SLC16A10: variants seen among roughly 807,000 people sequenced by gnomAD.
The protein encoded by SLC16A10 is monocarboxylate transporter 10.
A neutral mutation model predicts 40.0 loss-of-function variants in SLC16A10; 27 were observed. That is an observed-to-expected ratio of 0.67 (90% CI 0.50 to 0.93). SLC16A10 has a LOEUF of 0.93. Among genes scored for constraint, SLC16A10 ranks in the 40% least tolerant of loss-of-function variants. The pLI, the probability that SLC16A10 is intolerant of heterozygous loss-of-function variation, is 0.00. For missense variants in SLC16A10, 529 were observed against 658.2 expected (o/e 0.80, Z 2.15); for synonymous variants, 213 against 249.8 (o/e 0.85, Z 1.39).
intron 3 of SLC16A10, among the ~76,000 whole-genome samples, chr6:111,186,090 G>A (rs1227103373): frequency 6.6e-6 from 1 of 152,014 alleles, no homozygotes; most frequent in African/African-American, 2.4e-5. Context: ...GTAGAGATGG[G>A]GTTCTCACCA....
chr6:111,087,836 T>C lies in SLC16A10; in HGVS notation c.84T>C (p.Ala28=). 1.5e-6 allele frequency: 2 copies of C among 1,359,238 alleles called. No homozygotes were observed. Among genetic ancestry groups the C allele is most frequent in the Non-Finnish European group, 1.9e-6 (2 of 1,063,228 alleles). 84.2% of individuals were successfully genotyped at this position (1,359,238 alleles called of 1,614,324 possible). A position where few individuals can be genotyped will look rare whatever the true frequency, so the allele number is the denominator to read the frequency against. The change falls in exon 1 of 6, where the codon GCT becomes GCC. Residue 28 remains alanine, a synonymous_variant. Transcript: ENST00000368851. ...TCGGCCCCGCGCCCACGGGGGCCGC[T>C]CCGCCGCCCGGCCCGGGACCCTCGG... ...QPLGPAPTGA[A]PPPGPGPSDS...
At chr6:111,092,315 G>GTTTTTTTTTT (rs1173275647) in intron 1 of SLC16A10, among the ~76,000 whole-genome samples, 1 of 98,592 alleles carries the variant, frequency 1.0e-5, no homozygotes, top group African/African-American at 4.1e-5. Context: ...TTTTTTTGTT[G>GTTTTTTTTTT]TTTTTTTTTT....
intron 3 of SLC16A10, among the ~76,000 whole-genome samples, chr6:111,202,531 G>GT (rs1436650560): frequency 1.3e-5 from 2 of 151,912 alleles, no homozygotes; most frequent in African/African-American, 2.4e-5. Flanking sequence ...AATTAGCAAG[G>GT]TTTTTTTAAT....
chr6:111,108,917 C>T (rs1771334872), intron 1 of SLC16A10, among the ~76,000 whole-genome samples: 1 of 152,106 alleles, frequency 6.6e-6, no homozygotes. Context: ...AATTTTGTGT[C>T]ATTATGAGCA....
In SLC16A10 at chr6:111,218,944, T is replaced by C. The variant is rs200015784; in HGVS notation, c.1217T>C (p.Ile406Thr). Residue 406 changes from isoleucine (I) to threonine (T), a missense_variant, in exon 5 of 6, where the codon ATA becomes ACA. Ile to Thr is a moderately conservative substitution (Grantham distance 89, BLOSUM62 -1). Transcript: ENST00000368851. Reference protein sequence around the residue: ...DGCFISIMAPIAFELVGAQDV... With the variant: ...DGCFISIMAPTAFELVGAQDV... ...TGCTTCATTTCCATTATGGCTCCCA[T>C]AGCCTTTGAGTTAGTTGGTGCCCAG... 3.6e-5 allele frequency: 58 copies of C among 1,614,178 alleles called. No homozygotes were observed. Among genetic ancestry groups the C allele is most frequent in the East Asian group, 4.5e-5 (2 of 44,876 alleles).
chr6:111,228,177 G>C lies in SLC16A10; in HGVS notation c.*5942G>C, dbSNP rs1051950026. The C allele has an allele frequency of 1.3e-5, 2 of 152,162 alleles. No individual in the cohort carries two copies. Among genetic ancestry groups the C allele is most frequent in the Non-Finnish European group, 2.9e-5 (2 of 68,034 alleles). 9.4% of individuals were successfully genotyped at this position (152,162 alleles called of 1,614,324 possible). A position where few individuals can be genotyped will look rare whatever the true frequency, so the allele number is the denominator to read the frequency against. ...GCCAGTGGCTTTTCAAGTTACACTG[G>C]AAGCTTGATTATGAAAAAGTTTTGT... On this transcript the variant is annotated 3_prime_UTR_variant, in exon 6 of 6. Coordinates refer to ENST00000368851, the MANE Select transcript of SLC16A10 (RefSeq NM_018593.5).
chr6:111,220,882 G>C (rs958531551), intron 5 of SLC16A10, among the ~76,000 whole-genome samples: 1 of 152,242 alleles, frequency 6.6e-6, no homozygotes, highest in Non-Finnish European at 1.5e-5. Context: ...GGCTCACCAG[G>C]AGGCTCTGAG....
intron 1 of SLC16A10, among the ~76,000 whole-genome samples, chr6:111,112,112 C>T (rs1005162245): frequency 1.3e-5 from 2 of 152,040 alleles, no homozygotes; most frequent in African/African-American, 2.4e-5. Flanking sequence ...TCACTATAGC[C>T]TCTACCATAC....
At chr6:111,118,548 G>T (rs1416265451) in intron 1 of SLC16A10, among the ~76,000 whole-genome samples, 10 of 152,048 alleles carry the variant, frequency 6.6e-5, no homozygotes, top group Middle Eastern at 3.2e-3. Flanking sequence ...GGGCGTGCTG[G>T]TGCATGCCTG....
intron 3 of SLC16A10, among the ~76,000 whole-genome samples, chr6:111,201,249 A>G (rs573251870): frequency 2.9e-4 from 44 of 152,324 alleles, no homozygotes; most frequent in Middle Eastern, 3.4e-3. Flanking sequence ...CTGAAATCTT[A>G]TCTCCCAAAG....
intron 1 of SLC16A10, among the ~76,000 whole-genome samples, chr6:111,136,181 G>A (rs565385891): frequency 2.8e-4 from 42 of 152,324 alleles, no homozygotes; most frequent in South Asian, 6.2e-4. Context: ...TTTCCAGGCC[G>A]TAAAGAACAC....
intron 1 of SLC16A10, among the ~76,000 whole-genome samples, chr6:111,101,366 C>T (rs1462794949): frequency 6.6e-6 from 1 of 151,860 alleles, no homozygotes; most frequent in Non-Finnish European, 1.5e-5. Context: ...GTAACCTGCT[C>T]CCTACTGAAG....
At chr6:111,096,948 C>T (rs1459553513) in intron 1 of SLC16A10, among the ~76,000 whole-genome samples, 1 of 152,162 alleles carries the variant, frequency 6.6e-6, no homozygotes, top group Admixed American at 6.5e-5. Flanking sequence ...ACCTCCTGAA[C>T]AGCTGGGATT....
rs1225129237 is a variant in SLC16A10, at chr6:111,177,467, C to T, written c.744C>T (p.Gly248=). The change falls in exon 3 of 6, where the codon GGC becomes GGT. Residue 248 remains glycine, a synonymous_variant. Transcript: ENST00000368851. ...TCATGTTTGTTCTCTTTCTGGCTGGCTTTACTTACCGACCTCTTGCTACCA... is the reference window on the plus strand; with the variant it reads ...TCATGTTTGTTCTCTTTCTGGCTGGTTTTACTTACCGACCTCTTGCTACCA... The part of the protein sequence containing the change: ...CIFMFVLFLA[G]FTYRPLATST... The T allele has an allele frequency of 6.2e-7, 1 of 1,614,122 alleles. No individual in the cohort carries two copies. The highest frequency in any genetic ancestry group is 8.5e-7 in the Non-Finnish European group (1 of 1,180,018).
chr6:111,133,316 C>G (rs1000978832), intron 1 of SLC16A10, among the ~76,000 whole-genome samples: 4 of 152,154 alleles, frequency 2.6e-5, no homozygotes, highest in African/African-American at 9.7e-5. Flanking sequence ...CGCTCTAGGA[C>G]TAATGCTCAT....
chr6:111,120,469 G>A (rs1373776490), intron 1 of SLC16A10, among the ~76,000 whole-genome samples: 2 of 152,136 alleles, frequency 1.3e-5, no homozygotes, highest in East Asian at 3.8e-4. Context: ...GTTAATGTGT[G>A]CATCCCTCCA....
intron 1 of SLC16A10, among the ~76,000 whole-genome samples, chr6:111,139,247 T>C (rs1771938317): frequency 6.6e-6 from 1 of 152,102 alleles, no homozygotes; most frequent in South Asian, 2.1e-4. Context: ...TTTTTCTTCT[T>C]AATTTTTTTC....
rs1297446007 is a variant in SLC16A10 at position 111,175,774 on chromosome 6, A to G, written c.489-1438A>G. ...GAATGCAGTGGTGTTATCATAGCTG[A>G]CTGCAGCCTGGATTCCTGGGTTCAA... On this transcript the variant is annotated intron_variant, in intron 2 of 5. Coordinates refer to ENST00000368851, the MANE Select transcript of SLC16A10 (RefSeq NM_018593.5). Among the ~76,000 whole-genome samples the G allele has an allele frequency of 2.0e-5, 3 of 151,352 alleles. No individual in the cohort carries two copies. The East Asian group carries it at 5.8e-4, about 29-fold the overall frequency.
chr6:111,168,583 T>C (rs1439660443), intron 1 of SLC16A10, among the ~76,000 whole-genome samples: 2 of 152,270 alleles, frequency 1.3e-5, no homozygotes, highest in Non-Finnish European at 2.9e-5. Context: ...TTAGATGCCA[T>C]GTTAAAACTT....
Sources: allele counts gnomAD v4.1 joint callset (sites outside exome capture counted in the v4.1 genomes callset), GRCh38; gene constraint gnomAD v4.1.1; transcripts MANE v1.5; gene names NCBI Gene and HGNC (gene_info 2026-07-23, HGNC 2026-07-21).